The following TMCC1 variants were observed in gnomAD, a reference collection of about 807,000 sequenced individuals.
TMCC1 encodes the protein transmembrane and coiled-coil domains protein 1.
A neutral mutation model predicts 52.4 loss-of-function variants in TMCC1; 15 were observed. That is an observed-to-expected ratio of 0.29 (90% confidence interval 0.19 to 0.44). TMCC1 has a LOEUF of 0.44. TMCC1 is among the 20% of genes least tolerant of loss of function. The pLI is 1.00. For synonymous variants in TMCC1, 279 were observed against 301.9 expected (o/e 0.92, Z 0.79); for missense variants, 503 against 806.0 (o/e 0.62, Z 4.55).
intron 4 of TMCC1, among the ~76,000 whole-genome samples, chr3:129,825,200 C>A (rs141398814): frequency 1.0e-3 from 155 of 152,330 alleles, no homozygotes; most frequent in Non-Finnish European, 1.0e-4. Flanking sequence ...GAACAGTACA[C>A]CTGCATTACT....
intron 2 of TMCC1, among the ~76,000 whole-genome samples, chr3:129,846,024 ACT>A (rs1427236313): frequency 1.3e-5 from 2 of 151,846 alleles, no homozygotes; most frequent in Non-Finnish European, 2.9e-5. Flanking sequence ...ACAGAGTGAG[ACT>A]CTGTCTCAAA....
intron 4 of TMCC1, among the ~76,000 whole-genome samples, chr3:129,719,593 T>C (rs1003256780): frequency 6.6e-6 from 1 of 152,172 alleles, no homozygotes; most frequent in Non-Finnish European, 1.5e-5. Context: ...AATCTAATAC[T>C]ATCTCCAGGT....
chr3:129,788,425 T>C (rs1304689386), intron 4 of TMCC1, among the ~76,000 whole-genome samples: 1 of 152,164 alleles, frequency 6.6e-6, no homozygotes. Flanking sequence ...TCCCACTACA[T>C]CAACAATACA....
In TMCC1 at chr3:129,651,522, G is replaced by A. The variant is rs756642044; in HGVS notation, c.1921C>T (p.Leu641Phe). The stretch of plus-strand genomic sequence containing the variant: ...AAGAACCGTTCCACATAGCTGAAGA[G>A]GGCGTCCCAGTGCTTCCAGAGAAAG... ...IAFLWKHWDA[L>F]FSYVERFFSS... is the part of the protein sequence containing the mutation. The change falls in exon 7 of 7, where the codon CTC (leucine) becomes TTC (phenylalanine). Residue 641 changes from leucine (L) to phenylalanine (F), a missense_variant. By Grantham distance (22) the Leu-to-Phe change is conservative. Around this residue, in one of 7 missense-constraint regions of TMCC1, gnomAD observed 50 missense variants for 62.6 expected, o/e 0.80. Coordinates refer to ENST00000393238, the MANE Select transcript of TMCC1 (RefSeq NM_001017395.5). The surrounding 1 kb of genome is among the most constrained non-coding windows in gnomAD (Gnocchi z 5.1). 1.2e-6 allele frequency: 2 copies of A among 1,614,152 alleles called. No individual in the cohort carries two copies. The highest frequency in any genetic ancestry group is 1.7e-6 in the Non-Finnish European group (2 of 1,180,036).
At chr3:129,789,805 G>C (rs1327048849) in intron 4 of TMCC1, among the ~76,000 whole-genome samples, 1 of 152,086 alleles carries the variant, frequency 6.6e-6, no homozygotes, top group African/African-American at 2.4e-5. Context: ...TTCTTTTATT[G>C]ATAACAAACT....
rs11298293 is a variant in TMCC1, at chr3:129,650,278, CAAA to C, written c.*1200_*1202del. 266 of 131,494 alleles carry C rather than the reference CAAA, an allele frequency of 2.0e-3. No homozygotes were observed. Among genetic ancestry groups the C allele is most frequent in the African/African-American group, 3.0e-3 (103 of 34,724 alleles). The allele number at this position is 131,494 out of a possible 1,614,324, so 8.1% of individuals were successfully genotyped here. On this transcript the variant is annotated 3_prime_UTR_variant, in exon 7 of 7. Transcript: ENST00000393238. The stretch of plus-strand genomic sequence containing the variant: ...TCACTGGGTGAACGTTTTCTTGGGG[CAAA>C]AAAAAAAAAAAAAAATCCCTATCCT...
At chr3:129,816,642 GATAGAAGAA>G (rs1407209036) in intron 4 of TMCC1, among the ~76,000 whole-genome samples, 5 of 152,118 alleles carry the variant, frequency 3.3e-5, no homozygotes, top group Admixed American at 6.6e-5. Flanking sequence ...AACGGGGTCT[GATAGAAGAA>G]ATAGAAGAAA....
intron 4 of TMCC1, among the ~76,000 whole-genome samples, chr3:129,761,765 C>T (rs1344067442): frequency 1.1e-4 from 16 of 152,086 alleles, no homozygotes; most frequent in African/African-American, 2.9e-4. Context: ...CTGAGGCAGG[C>T]GGATCATCTG....
At chr3:129,841,617 T>C (rs184231755) in intron 2 of TMCC1, among the ~76,000 whole-genome samples, 6 of 152,320 alleles carry the variant, frequency 3.9e-5, no homozygotes, top group Non-Finnish European at 8.8e-5. Flanking sequence ...ATGTTCATTG[T>C]ATGTCATATG....
chr3:129,744,117 G>A (rs1386593376), intron 4 of TMCC1, among the ~76,000 whole-genome samples: 1 of 152,126 alleles, frequency 6.6e-6, no homozygotes, highest in African/African-American at 2.4e-5. Flanking sequence ...ATGCAAAATA[G>A]ATGCTTACAT....
rs148136853 is a variant in TMCC1 at position 129,716,822 on chromosome 3, G to A, written c.577-45558C>T. ...TCCAAAGCTGAAGTGGTACCCTTAAGGCAGGAGGCCTGTATTTCTTCCCCA... is the reference window on the plus strand; with the variant it reads ...TCCAAAGCTGAAGTGGTACCCTTAAAGCAGGAGGCCTGTATTTCTTCCCCA... On this transcript the variant is annotated intron_variant, in intron 4 of 6. Coordinates refer to ENST00000393238, the MANE Select transcript of TMCC1 (RefSeq NM_001017395.5). Among the ~76,000 whole-genome samples, 1,325 of 152,216 alleles carry A rather than the reference G, an allele frequency of 8.7e-3. 8 individuals carry two copies. The highest frequency in any genetic ancestry group is 0.017 in the Middle Eastern group (5 of 294).
chr3:129,695,483 T>C (rs2047349164), intron 4 of TMCC1, among the ~76,000 whole-genome samples: 1 of 152,120 alleles, frequency 6.6e-6, no homozygotes, highest in African/African-American at 2.4e-5. Flanking sequence ...TGGGGAAGCC[T>C]TGGGAAACTT....
chr3:129,886,983 T>C (rs2108010974), intron 1 of TMCC1, among the ~76,000 whole-genome samples: 1 of 152,098 alleles, frequency 6.6e-6, no homozygotes, highest in South Asian at 2.1e-4. Context: ...CCAGGTATTA[T>C]GATTCCATTT....
chr3:129,736,263 C>A (rs2050950489), intron 4 of TMCC1, among the ~76,000 whole-genome samples: 1 of 152,194 alleles, frequency 6.6e-6, no homozygotes, highest in Admixed American at 6.5e-5. Context: ...TCTACTGACT[C>A]ATCTGCATCT....
chr3:129,727,139 T>TG (rs1431388162), intron 4 of TMCC1, among the ~76,000 whole-genome samples: 2 of 152,040 alleles, frequency 1.3e-5, no homozygotes, highest in African/African-American at 2.4e-5. Context: ...AACAAACAAA[T>TG]GAACAAAAAA....
chr3:129,811,947 T>TA lies in TMCC1; in HGVS notation c.576+15855_576+15856insT, dbSNP rs1560469298. ...TGACAGAGCAAGACTCTGCCTCAAT[T>TA]TAAAAAAAAAAAAAAGAAAGAAAGA... is the stretch of plus-strand genomic sequence containing the variant. On this transcript the variant is annotated intron_variant, in intron 4 of 6. Coordinates refer to ENST00000393238, the MANE Select transcript of TMCC1 (RefSeq NM_001017395.5). Among the ~76,000 whole-genome samples the TA allele has an allele frequency of 7.1e-5, 10 of 140,362 alleles. No homozygotes were observed. In the East Asian group the frequency reaches 2.3e-3, roughly 32 times the overall value. 92.1% of individuals were successfully genotyped at this position (140,362 alleles called of 152,430 possible). A position where few individuals can be genotyped will look rare whatever the true frequency, so the allele number is the denominator to read the frequency against.
At chr3:129,762,596 T>G (rs941535644) in intron 4 of TMCC1, among the ~76,000 whole-genome samples, 5 of 152,114 alleles carry the variant, frequency 3.3e-5, no homozygotes, top group Admixed American at 2.6e-4. Flanking sequence ...AAGACCAGCC[T>G]AAGCAACATA....
chr3:129,712,085 G>A (rs182853275), intron 4 of TMCC1, among the ~76,000 whole-genome samples: 159 of 151,816 alleles, frequency 1.0e-3, no homozygotes, highest in Admixed American at 2.2e-3. Flanking sequence ...GCTGAGGCAG[G>A]AGAATCACTT....
chr3:129,835,846 AAAG>A (rs1481502975), intron 2 of TMCC1, among the ~76,000 whole-genome samples: 6 of 152,232 alleles, frequency 3.9e-5, no homozygotes, highest in Non-Finnish European at 7.3e-5. Flanking sequence ...CAAATCCAAA[AAAG>A]AAGAGAGAAC....
Sources: allele counts gnomAD v4.1 joint callset (sites outside exome capture counted in the v4.1 genomes callset), GRCh38; gene constraint gnomAD v4.1.1; regional missense constraint gnomAD v4.1.1; non-coding constraint Gnocchi (gnomAD v3.1); transcripts MANE v1.5; gene names NCBI Gene and HGNC (gene_info 2026-07-23, HGNC 2026-07-21).